Variants in TRPC4AP observed in about 807,000 individuals in gnomAD.
The protein encoded by TRPC4AP is short transient receptor potential channel 4-associated protein.
In TRPC4AP, 45 loss-of-function variants were observed where a neutral mutation model predicts 99.0. The observed-to-expected ratio is 0.45, with a 90% CI of 0.36 to 0.58. TRPC4AP has a LOEUF of 0.58. Ranked by LOEUF, TRPC4AP falls within the 20% of genes least tolerant of loss-of-function variation. The pLI is 0.00. For synonymous variants in TRPC4AP, 408 were observed against 385.8 expected (o/e 1.06, Z -0.67); for missense variants, 879 against 985.3 (o/e 0.89, Z 1.44).
At chr20:35,082,285 A>C (rs145099865) in intron 1 of TRPC4AP, among the ~76,000 whole-genome samples, 2 of 152,234 alleles carry the variant, frequency 1.3e-5, no homozygotes, top group African/African-American at 4.8e-5. Context: ...CTCGAGCAGT[A>C]TATCTAGTAA....
intron 3 of TRPC4AP, 46 bp downstream of exon 3, chr20:35,069,250 C>A: frequency 3.7e-6 from 4 of 1,093,994 alleles, no homozygotes; most frequent in South Asian, 1.4e-5. Flanking sequence ...ATTCCCAAAC[C>A]ATTAAGCAGT....
intron 3 of TRPC4AP, among the ~76,000 whole-genome samples, chr20:35,061,990 C>T (rs2084020150): frequency 6.6e-6 from 1 of 152,038 alleles, no homozygotes; most frequent in Non-Finnish European, 1.5e-5. Flanking sequence ...AAAAAGACAA[C>T]CCAATCAAGA....
At chr20:35,057,479 G>C in intron 4 of TRPC4AP, 35 bp downstream of exon 4, 1 of 1,583,762 alleles carries the variant, frequency 6.3e-7, no homozygotes, top group African/African-American at 1.4e-5. Flanking sequence ...CGGCAGGTTG[G>C]AAAACAAGGA....
At chr20:35,047,114 C>T (rs1290802005) in intron 6 of TRPC4AP, among the ~76,000 whole-genome samples, 1 of 152,194 alleles carries the variant, frequency 6.6e-6, no homozygotes, top group Non-Finnish European at 1.5e-5. Context: ...CTGCCCACCT[C>T]GGCCTCACAA....
intron 7 of TRPC4AP, among the ~76,000 whole-genome samples, chr20:35,036,223 T>C (rs2083313464): frequency 6.6e-6 from 1 of 152,174 alleles, no homozygotes; most frequent in African/African-American, 2.4e-5. Context: ...ATGAGACTAA[T>C]GCCTGATCAT....
chr20:35,014,293 G>A (rs1030326648), intron 10 of TRPC4AP, among the ~76,000 whole-genome samples: 4 of 150,928 alleles, frequency 2.7e-5, no homozygotes, highest in Non-Finnish European at 5.9e-5. Flanking sequence ...AAGGGGAAGT[G>A]GCTAGAGGGC....
At chr20:35,056,550 A>G (rs2083830032) in intron 4 of TRPC4AP, among the ~76,000 whole-genome samples, 1 of 152,066 alleles carries the variant, frequency 6.6e-6, no homozygotes, top group African/African-American at 2.4e-5. Context: ...CTTATACAGT[A>G]TGTCGTATTG....
intron 1 of TRPC4AP, among the ~76,000 whole-genome samples, chr20:35,084,150 A>T (rs574851986): frequency 1.3e-5 from 2 of 151,724 alleles, no homozygotes. Flanking sequence ...AAATACAAAA[A>T]AATTAGCCAG....
chr20:35,037,661 A>G lies in TRPC4AP; in HGVS notation c.866-2353T>C, dbSNP rs2083351867. ...CCAAGTGAAAGAAACCAGATTCAGA[A>G]GGCCACATGCTATATGATTCCATTT... On this transcript the variant is annotated intron_variant, in intron 7 of 18. Coordinates refer to ENST00000252015, the MANE Select transcript of TRPC4AP (RefSeq NM_015638.3). Among the ~76,000 whole-genome samples, 2 of 152,238 alleles carry G rather than the reference A, an allele frequency of 1.3e-5. 1 individual carries two copies. Among genetic ancestry groups the G allele is most frequent in the South Asian group, 4.1e-4 (2 of 4,834 alleles).
At chr20:35,066,423 C>T (rs576955064) in intron 3 of TRPC4AP, among the ~76,000 whole-genome samples, 50 of 152,224 alleles carry the variant, frequency 3.3e-4, no homozygotes, top group Middle Eastern at 6.8e-3. Context: ...ATAAATTGCA[C>T]ATGTAGTTTT....
At chr20:35,047,095 T>C (rs985043745) in intron 6 of TRPC4AP, among the ~76,000 whole-genome samples, 5 of 152,182 alleles carry the variant, frequency 3.3e-5, no homozygotes, top group African/African-American at 4.8e-5. Flanking sequence ...TCTCCTGACC[T>C]CAAGTGATCT....
intron 12 of TRPC4AP, 28 bp downstream of exon 12, chr20:35,010,159 G>T: frequency 6.2e-7 from 1 of 1,607,124 alleles, no homozygotes; most frequent in Non-Finnish European, 8.5e-7. Context: ...GGGATGGGCT[G>T]AGGGAAAAGC....
chr20:35,018,544 C>A (rs1012866722), intron 9 of TRPC4AP, among the ~76,000 whole-genome samples: 2 of 142,478 alleles, frequency 1.4e-5, no homozygotes, highest in Admixed American at 1.5e-4. Flanking sequence ...TGCAGTGAGC[C>A]GAGGTCATGT....
chr20:35,085,243 G>A (rs1284506748), intron 1 of TRPC4AP, among the ~76,000 whole-genome samples: 1 of 152,188 alleles, frequency 6.6e-6, no homozygotes, highest in Non-Finnish European at 1.5e-5. Flanking sequence ...TCTAATCACA[G>A]TCCAAATATT....
Position 35,044,373 on chromosome 20 carries a change from CAT to C in TRPC4AP, c.865+130_865+131del. 3.4e-6 allele frequency: 3 copies of C among 877,280 alleles called. No individual in the cohort carries two copies. The South Asian group carries it at 5.7e-5, about 17-fold the overall frequency. 54.3% of individuals were successfully genotyped at this position (877,280 alleles called of 1,614,324 possible). ...TGCCACTGCACTCCTGCCTGGGTGA[CAT>C]AGTGACGATCCCATCTCAAAAAAGG... On this transcript the variant is annotated intron_variant, in intron 7 of 18. Coordinates refer to ENST00000252015, the MANE Select transcript of TRPC4AP (RefSeq NM_015638.3).
intron 1 of TRPC4AP, among the ~76,000 whole-genome samples, chr20:35,084,984 G>A (rs2146036869): frequency 6.6e-6 from 1 of 152,274 alleles, no homozygotes; most frequent in East Asian, 1.9e-4. Context: ...GAGTAAGAAG[G>A]AATCGAATGT....
chr20:35,070,201 G>A (rs1025467741), intron 2 of TRPC4AP, among the ~76,000 whole-genome samples: 5 of 152,104 alleles, frequency 3.3e-5, no homozygotes, highest in Non-Finnish European at 5.9e-5. Flanking sequence ...ACCAAGAATT[G>A]TTGACAGATA....
rs375287395 is a variant in TRPC4AP, at chr20:35,086,521, A to G, written c.168+6093T>C. Among the ~76,000 whole-genome samples, 34 of 61,864 alleles carry G rather than the reference A, an allele frequency of 5.5e-4. 2 individuals carry two copies. The highest frequency in any genetic ancestry group is 3.6e-3 in the South Asian group (7 of 1,966). The allele number at this position is 61,864 out of a possible 152,430, so 40.6% of individuals were successfully genotyped here. A position where few individuals can be genotyped will look rare whatever the true frequency, so the allele number is the denominator to read the frequency against. ...TGTGTATATATATGTGTGTGTGTGT[A>G]TATATGTGTGTGTGTGTGTGTGTGT... On this transcript the variant is annotated intron_variant, in intron 1 of 18. Coordinates refer to ENST00000252015, the MANE Select transcript of TRPC4AP (RefSeq NM_015638.3).
intron 3 of TRPC4AP, among the ~76,000 whole-genome samples, chr20:35,065,479 G>C (rs1212885336): frequency 6.6e-6 from 1 of 152,204 alleles, no homozygotes; most frequent in Non-Finnish European, 1.5e-5. Flanking sequence ...ATCCCACTGA[G>C]CTTTGGGCAG....
Sources: allele counts gnomAD v4.1 joint callset (sites outside exome capture counted in the v4.1 genomes callset), GRCh38; gene constraint gnomAD v4.1.1; transcripts MANE v1.5; gene names NCBI Gene and HGNC (gene_info 2026-07-23, HGNC 2026-07-21).